Variants in UGT1A8 observed in about 807,000 individuals in gnomAD.
The protein encoded by UGT1A8 is UDP glucuronosyltransferase family 1 member A8.
Under a neutral mutation model 45.3 loss-of-function variants are expected in UGT1A8, and 39 were observed. The observed-to-expected ratio is 0.86, with a 90% CI of 0.67 to 1.12. The LOEUF is 1.12. UGT1A8 is among the 50% of genes most tolerant of loss of function. UGT1A8 has a pLI of 0.00. For missense variants in UGT1A8, 719 were observed against 664.9 expected, an observed-to-expected ratio of 1.08 and a Z score of -0.90; for synonymous variants, 275 against 249.2, an observed-to-expected ratio of 1.10 and a Z score of -0.97.
chr2:233,687,690 C>G (rs1385229138), intron 1 of UGT1A8, among the ~76,000 whole-genome samples: 1 of 151,794 alleles, frequency 6.6e-6, no homozygotes, highest in Non-Finnish European at 1.5e-5. Context: ...ATCACTTAAG[C>G]CCAGGAGTTT....
chr2:233,672,032 T>A (rs72551330), intron 1 of UGT1A8: 1 of 1,614,138 alleles, frequency 6.2e-7, no homozygotes, highest in East Asian at 2.2e-5. Flanking sequence ...GTAGTGCCCA[T>A]GGATGGGAGC....
intron 1 of UGT1A8, among the ~76,000 whole-genome samples, chr2:233,650,222 G>A (rs1440633067): frequency 2.6e-5 from 4 of 152,048 alleles, no homozygotes; most frequent in African/African-American, 9.7e-5. Context: ...TGCCTGCCTC[G>A]GCCTCCCAAA....
intron 1 of UGT1A8, chr2:233,637,241 C>T (rs149598882): frequency 8.9e-5 from 144 of 1,613,930 alleles, no homozygotes; most frequent in African/African-American, 8.4e-4. Flanking sequence ...ACCCCTGTCA[C>T]GGCATATGAT....
At chr2:233,732,140 G>GT (rs1352899510) in intron 1 of UGT1A8, among the ~76,000 whole-genome samples, 2 of 135,546 alleles carry the variant, frequency 1.5e-5, no homozygotes, top group East Asian at 2.0e-4. Flanking sequence ...TTGTTTGTTT[G>GT]TTTTTTTTCT....
At chr2:233,622,945 G>T (rs1028272065) in intron 1 of UGT1A8, among the ~76,000 whole-genome samples, 3 of 152,040 alleles carry the variant, frequency 2.0e-5, no homozygotes, top group Non-Finnish European at 2.9e-5. Flanking sequence ...TCTACATATG[G>T]CTAGCCAGTT....
At chr2:233,636,805 C>T (rs28969681) in intron 1 of UGT1A8, 6 of 1,614,094 alleles carry the variant, frequency 3.7e-6, no homozygotes, top group East Asian at 2.2e-5. Context: ...GGTTTTCGCC[C>T]ATGCTCAATG....
chr2:233,716,352 G>C (rs1407267545), intron 1 of UGT1A8, among the ~76,000 whole-genome samples: 1 of 152,166 alleles, frequency 6.6e-6, no homozygotes, highest in African/African-American at 2.4e-5. Context: ...CTACAATGTA[G>C]ATACTTTGTG....
At chr2:233,687,620 A>C (rs1165717277) in intron 1 of UGT1A8, among the ~76,000 whole-genome samples, 2 of 151,448 alleles carry the variant, frequency 1.3e-5, no homozygotes, top group African/African-American at 4.8e-5. Flanking sequence ...AAAGAAAAAA[A>C]GGCTGAGTGT....
intron 1 of UGT1A8, among the ~76,000 whole-genome samples, chr2:233,698,699 A>T (rs2075456064): frequency 6.6e-6 from 1 of 152,252 alleles, no homozygotes; most frequent in Non-Finnish European, 1.5e-5. Flanking sequence ...TCTAAAAAAA[A>T]TGTGCAAAGC....
intron 1 of UGT1A8, chr2:233,743,656 G>T (rs528527073): frequency 7.3e-7 from 1 of 1,367,266 alleles, no homozygotes; most frequent in Admixed American, 1.9e-5. Flanking sequence ...AGACGTACTC[G>T]AAGGGGTCCT....
chr2:233,715,892 G>A (rs1284412629), intron 1 of UGT1A8, among the ~76,000 whole-genome samples: 1 of 152,180 alleles, frequency 6.6e-6, no homozygotes, highest in African/African-American at 2.4e-5. Context: ...CAGCTACTTG[G>A]GAGGCTCAGG....
chr2:233,745,956 G>A (rs1296712691), intron 1 of UGT1A8, among the ~76,000 whole-genome samples: 5 of 151,652 alleles, frequency 3.3e-5, no homozygotes, highest in Admixed American at 2.6e-4. Context: ...GCAACTGGGG[G>A]ACAGGGGCCC....
chr2:233,724,371 C>A (rs1285685419), intron 1 of UGT1A8, among the ~76,000 whole-genome samples: 1 of 147,620 alleles, frequency 6.8e-6, no homozygotes, highest in Non-Finnish European at 1.5e-5. Flanking sequence ...GACGGGGTGG[C>A]TGCCGGGCGG....
At chr2:233,725,508 T>G (rs1448108269) in intron 1 of UGT1A8, among the ~76,000 whole-genome samples, 1 of 151,984 alleles carries the variant, frequency 6.6e-6, no homozygotes, top group East Asian at 1.9e-4. Context: ...TGAAATTAAT[T>G]TTACTAAGGC....
At chr2:233,661,214 T>C (rs922158312) in intron 1 of UGT1A8, among the ~76,000 whole-genome samples, 1 of 152,078 alleles carries the variant, frequency 6.6e-6, no homozygotes, top group African/African-American at 2.4e-5. Flanking sequence ...CTGGTCTATT[T>C]TCCTACCTTA....
At chr2:233,659,262 C>T (rs1475408807) in intron 1 of UGT1A8, among the ~76,000 whole-genome samples, 3 of 152,124 alleles carry the variant, frequency 2.0e-5, no homozygotes, top group South Asian at 2.1e-4. Flanking sequence ...ATACCAACCT[C>T]GCAGGTAGTC....
chr2:233,693,620 T>C, intron 1 of UGT1A8: 1 of 1,614,218 alleles, frequency 6.2e-7, no homozygotes, highest in Non-Finnish European at 8.5e-7. Flanking sequence ...CATGACTTTT[T>C]CCCAACGAGT....
intron 1 of UGT1A8, among the ~76,000 whole-genome samples, chr2:233,645,941 A>G (rs977150371): frequency 2.0e-5 from 3 of 152,160 alleles, no homozygotes; most frequent in African/African-American, 7.2e-5. Context: ...TCCCTTCTGC[A>G]CTGTTCTAGC....
At chr2:233,734,764 G>A (rs902615341) in intron 1 of UGT1A8, among the ~76,000 whole-genome samples, 11 of 152,078 alleles carry the variant, frequency 7.2e-5, no homozygotes, top group African/African-American at 2.2e-4. Flanking sequence ...CCTTCACTTC[G>A]TTATTTACCC....
Sources: allele counts gnomAD v4.1 joint callset (sites outside exome capture counted in the v4.1 genomes callset), GRCh38; gene constraint gnomAD v4.1.1; transcripts MANE v1.5; gene names NCBI Gene and HGNC (gene_info 2026-07-23, HGNC 2026-07-21).